FBLN1: variants seen among roughly 807,000 people sequenced by gnomAD.
FBLN1 encodes fibulin 1, also known as fibulin-1.
In FBLN1, 34 loss-of-function variants were observed where a neutral mutation model predicts 89.7. The ratio of observed to expected loss-of-function variants is 0.38; its 90% CI spans 0.29 to 0.50. FBLN1 has a LOEUF of 0.50. Ranked by LOEUF, FBLN1 falls within the 20% of genes least tolerant of loss-of-function variation. FBLN1 has a pLI of 0.92. For missense variants in FBLN1, 777 were observed against 988.1 expected (o/e 0.79, Z 2.86); for synonymous variants, 393 against 391.3 (o/e 1.00, Z -0.05).
chr22:45,542,206 G>C lies in FBLN1; in HGVS notation c.1118G>C (p.Cys373Ser). The C allele has an allele frequency of 6.2e-7, 1 of 1,614,216 alleles. No homozygotes were observed. Reference protein sequence around the residue: ...PAEPCGKGHRCVNSPGSFRCE... With the variant: ...PAEPCGKGHRSVNSPGSFRCE... ...GAGCCCTGTGGGAAGGGACATCGCT[G>C]CGTGAACTCTCCCGGCAGTTTCCGC... Residue 373 changes from cysteine (C) to serine (S), a missense_variant, in exon 10 of 17, where the codon TGC becomes TCC. By Grantham distance (112) the Cys-to-Ser change is moderately radical (BLOSUM62 -1). Coordinates refer to ENST00000327858, the MANE Select transcript of FBLN1 (RefSeq NM_006486.3).
chr22:45,520,773 C>T (rs983006737), intron 2 of FBLN1, among the ~76,000 whole-genome samples: 2 of 152,178 alleles, frequency 1.3e-5, no homozygotes, highest in African/African-American at 4.8e-5. Context: ...AAATGTATTA[C>T]TGACTTCTAC....
Position 45,577,030 on chromosome 22 carries a change from A to G in FBLN1, c.1894A>G (p.Ile632Val). The G allele has an allele frequency of 6.2e-7, 1 of 1,614,154 alleles. No homozygotes were observed. The highest frequency in any genetic ancestry group is 8.5e-7 in the Non-Finnish European group (1 of 1,180,028). The part of the protein sequence containing the change: ...TPPHPASQAN[I>V]IFDITEGNLR... ...ACCGCATCCTGCCAGCCAGGCTAAC[A>G]TCATCTTCGACATCACGGAAGGGAA... Residue 632 changes from isoleucine to valine, a missense_variant, in exon 16 of 17, where the codon ATC (isoleucine) becomes GTC (valine). By Grantham distance (29) the Ile-to-Val change is conservative. Coordinates refer to ENST00000327858, the MANE Select transcript of FBLN1 (RefSeq NM_006486.3). The surrounding 1 kb of genome is among the most constrained non-coding windows in gnomAD (Gnocchi z 6.6).
At chr22:45,518,610 T>A (rs2088202704) in intron 1 of FBLN1, 72 bp from the exon 2 acceptor site, 1 of 1,074,024 alleles carries the variant, frequency 9.3e-7, no homozygotes, top group East Asian at 2.6e-5. Flanking sequence ...CGTGTCCTGG[T>A]GGTGCATCTG....
In FBLN1 at chr22:45,545,540, G is replaced by C. The variant is rs1472490490; in HGVS notation, c.1322-1545G>C. ...ATCCACATTAGTGGACAATATTGTGGATATAGAACCAGAGCCTGGCCAACC... is the reference window on the plus strand; with the variant it reads ...ATCCACATTAGTGGACAATATTGTGCATATAGAACCAGAGCCTGGCCAACC... On this transcript the variant is annotated intron_variant, in intron 11 of 16. Coordinates refer to ENST00000327858, the MANE Select transcript of FBLN1 (RefSeq NM_006486.3). This position sits in a 1 kb window ranked among gnomAD's most constrained non-coding sequence, Gnocchi z 5.9. 6.6e-6 allele frequency among the ~76,000 whole-genome samples: 1 copy of C among 152,190 alleles called. No individual in the cohort carries two copies. The highest frequency in any genetic ancestry group is 2.4e-5 in the African/African-American group (1 of 41,436).
intron 14 of FBLN1, among the ~76,000 whole-genome samples, chr22:45,552,269 G>A (rs1274574332): frequency 1.3e-5 from 2 of 152,228 alleles, no homozygotes; most frequent in African/African-American, 4.8e-5. Flanking sequence ...GCATGGAGGT[G>A]GAAGGGGGAG....
At chr22:45,517,413 C>T in intron 1 of FBLN1, 1 of 380,352 alleles carries the variant, frequency 2.6e-6, no homozygotes, top group Non-Finnish European at 5.2e-6. Flanking sequence ...ATGGGGTCTT[C>T]TCCCTTCCGT....
rs377317628 is a variant in FBLN1, at chr22:45,549,019, C to T, written c.1573+275C>T. Among the ~76,000 whole-genome samples, 10 of 152,320 alleles carry T rather than the reference C, an allele frequency of 6.6e-5. No homozygotes were observed. In the South Asian group the frequency reaches 1.0e-3, roughly 16 times the overall value. On this transcript the variant is annotated intron_variant, in intron 13 of 16. Transcript: ENST00000327858. The surrounding 1 kb of genome is among the most constrained non-coding windows in gnomAD (Gnocchi z 5.7). ...GCAGGAACACTTCAGCCCTCCTCCCCTCCCCTCAGCAGCCCCGTAAAGGCT... is the reference window on the plus strand; with the variant it reads ...GCAGGAACACTTCAGCCCTCCTCCCTTCCCCTCAGCAGCCCCGTAAAGGCT...
At chr22:45,573,613 G>A (rs1246963401) in intron 14 of FBLN1, among the ~76,000 whole-genome samples, 1 of 141,918 alleles carries the variant, frequency 7.0e-6, no homozygotes, top group East Asian at 2.2e-4. Context: ...CCTGGGAGGC[G>A]GAGGTTGCAG....
rs1192560646 is a variant in FBLN1, at chr22:45,562,238, A to C, written c.1697+11623A>C. On this transcript the variant is annotated intron_variant, in intron 14 of 16. Transcript: ENST00000327858. The surrounding 1 kb of genome is among the most constrained non-coding windows in gnomAD (Gnocchi z 7.8). ...TTGGGATCTGGCCCTGTGGACCCAG[A>C]TGGGTTACTGAGCTTGGAACACGAG... Among the ~76,000 whole-genome samples, 3 of 152,130 alleles carry C rather than the reference A, an allele frequency of 2.0e-5. No individual in the cohort carries two copies. Among genetic ancestry groups the C allele is most frequent in the Non-Finnish European group, 4.4e-5 (3 of 68,018 alleles).
rs778833132 is a variant in FBLN1, at chr22:45,527,879, G to A, written c.354G>A (p.Ala118=). The A allele has an allele frequency of 7.4e-6, 12 of 1,614,094 alleles. No individual in the cohort carries two copies. The highest frequency in any genetic ancestry group is 1.7e-5 in the Admixed American group (1 of 60,022). Reference sequence around the variant, plus strand: ...GCCATTGCTGTCTGCTGGGGAGGGCGGCCCAGGCCCAGGGCCAGAGCTGCG... The same window carrying A: ...GCCATTGCTGTCTGCTGGGGAGGGCAGCCCAGGCCCAGGGCCAGAGCTGCG... The part of the protein sequence containing the change: ...RCCHCCLLGR[A]AQAQGQSCEY... The change falls in exon 4 of 17, where the codon GCG becomes GCA. Residue 118 remains alanine, a synonymous_variant. Coordinates refer to ENST00000327858, the MANE Select transcript of FBLN1 (RefSeq NM_006486.3).
intron 14 of FBLN1, among the ~76,000 whole-genome samples, chr22:45,551,957 G>T (rs1174445543): frequency 6.6e-6 from 1 of 152,240 alleles, no homozygotes; most frequent in Non-Finnish European, 1.5e-5. Flanking sequence ...CTGCACAGGG[G>T]CCCTGGCGCC....
In FBLN1 at chr22:45,583,040, C is replaced by A. The variant is rs901687664; in HGVS notation, c.1972+5932C>A. Among the ~76,000 whole-genome samples the A allele has an allele frequency of 7.9e-5, 12 of 152,158 alleles. No individual in the cohort carries two copies. The highest frequency in any genetic ancestry group is 2.9e-4 in the African/African-American group (12 of 41,442). On this transcript the variant is annotated intron_variant, in intron 16 of 16. Transcript: ENST00000327858. This position sits in a 1 kb window ranked among gnomAD's most constrained non-coding sequence, Gnocchi z 4.5. ...CGTCCACCCACCCTGTGCCCAGATC[C>A]CCTTCGCAAGCACCATATGCTGTTA...
In FBLN1 at chr22:45,526,067, T is replaced by C. The variant is rs996040786; in HGVS notation, c.321+389T>C. 2.6e-5 allele frequency among the ~76,000 whole-genome samples: 4 copies of C among 152,210 alleles called. No homozygotes were observed. In the East Asian group the frequency reaches 7.7e-4, roughly 29 times the overall value. On this transcript the variant is annotated intron_variant, in intron 3 of 16. Transcript: ENST00000327858. ...TACCCAGGAGGCTCTCAGGCTTCTC[T>C]ACCCACAGACTCGTCAGGGTCCAGA...
chr22:45,567,710 C>G (rs4538310), intron 14 of FBLN1, among the ~76,000 whole-genome samples: 11,404 of 152,036 alleles, frequency 0.075, 468 homozygotes, highest in South Asian at 0.14. Flanking sequence ...AACACCCAGA[C>G]AACTAGATAG....
Position 45,549,816 on chromosome 22 carries a change from G to T in FBLN1, c.1574-676G>T, listed in dbSNP as rs368282050. On this transcript the variant is annotated intron_variant, in intron 13 of 16. Transcript: ENST00000327858. The surrounding 1 kb of genome is among the most constrained non-coding windows in gnomAD (Gnocchi z 5.7). The stretch of plus-strand genomic sequence containing the variant: ...CTCCCCCATCTCCAGGGGCCTCTCA[G>T]TGTGGTGCCCCAGGCCCCATCCCAG... 2.6e-4 allele frequency among the ~76,000 whole-genome samples: 40 copies of T among 152,284 alleles called. No homozygotes were observed. Among genetic ancestry groups the T allele is most frequent in the African/African-American group, 9.1e-4 (38 of 41,558 alleles).
At chr22:45,518,895 A>G in intron 2 of FBLN1, 108 bp downstream of exon 2, 1 of 1,020,948 alleles carries the variant, frequency 9.8e-7, no homozygotes, top group Non-Finnish European at 1.5e-6. Context: ...CTGGACACCC[A>G]GGCCCGGATC....
chr22:45,503,153 C>T (rs1248617937), intron 1 of FBLN1, 89 bp downstream of exon 1: 2 of 845,794 alleles, frequency 2.4e-6, no homozygotes, highest in Non-Finnish European at 2.8e-6. Flanking sequence ...CACGGGGACT[C>T]GGAGTCCGTG....
chr22:45,513,163 A>G (rs1217113460), intron 1 of FBLN1, among the ~76,000 whole-genome samples: 2 of 152,228 alleles, frequency 1.3e-5, no homozygotes, highest in Admixed American at 6.5e-5. Context: ...GAAGGCAAGT[A>G]AGTCAACGGG....
intron 2 of FBLN1, 102 bp from the exon 3 acceptor site, chr22:45,525,441 G>C: frequency 9.6e-7 from 1 of 1,044,014 alleles, no homozygotes; most frequent in Non-Finnish European, 1.4e-6. Context: ...GTGGGAGCAG[G>C]GAAGGGGAGG....
Sources: allele counts gnomAD v4.1 joint callset (sites outside exome capture counted in the v4.1 genomes callset), GRCh38; gene constraint gnomAD v4.1.1; non-coding constraint Gnocchi (gnomAD v3.1); transcripts MANE v1.5; gene names NCBI Gene and HGNC (gene_info 2026-07-23, HGNC 2026-07-21).